CADM2: variants seen among roughly 807,000 people sequenced by gnomAD.
CADM2 encodes cell adhesion molecule 2, also known as immunoglobulin superfamily member 4D.
In CADM2, 12 loss-of-function variants were observed where a neutral mutation model predicts 49.8. That is an observed-to-expected ratio of 0.24 (90% CI 0.15 to 0.39). The LOEUF (loss-of-function observed/expected upper bound fraction) is 0.39, where lower values mean the gene tolerates loss of function less well. Among genes scored for constraint, CADM2 ranks in the 10% least tolerant of loss-of-function variants. CADM2 has a pLI of 1.00. For synonymous variants in CADM2, 214 were observed against 175.4 expected (o/e 1.22, Z -1.74); for missense variants, 378 against 492.3 (o/e 0.77, Z 2.20).
chr3:84,996,414 A>C (rs2033180423), intron 1 of CADM2, among the ~76,000 whole-genome samples: 1 of 152,096 alleles, frequency 6.6e-6, no homozygotes, highest in Admixed American at 6.5e-5. Context: ...AAGGAATTTT[A>C]TTATGGTGTA....
intron 1 of CADM2, among the ~76,000 whole-genome samples, chr3:85,356,483 G>C (rs1355146288): frequency 1.3e-5 from 2 of 152,002 alleles, no homozygotes; most frequent in Non-Finnish European, 2.9e-5. Flanking sequence ...GCCTGTGAAG[G>C]ACTCTGGTAT....
intron 1 of CADM2, among the ~76,000 whole-genome samples, chr3:85,099,320 T>A (rs189426165): frequency 1.3e-5 from 2 of 152,270 alleles, no homozygotes; most frequent in Admixed American, 6.5e-5. Context: ...TGGCATAAGA[T>A]TGAAAACTCC....
At chr3:85,937,522 G>A (rs944995707) in intron 7 of CADM2, among the ~76,000 whole-genome samples, 1 of 151,894 alleles carries the variant, frequency 6.6e-6, no homozygotes, top group African/African-American at 2.4e-5. Flanking sequence ...GTTCAGTCTT[G>A]CCCAAAGCCT....
At chr3:85,817,484 A>G (rs2073282838) in intron 3 of CADM2, among the ~76,000 whole-genome samples, 1 of 141,984 alleles carries the variant, frequency 7.0e-6, no homozygotes, top group African/African-American at 2.6e-5. Flanking sequence ...TTTGATAAAA[A>G]TATTGTCTGG....
intron 1 of CADM2, among the ~76,000 whole-genome samples, chr3:85,315,954 A>G (rs1384286719): frequency 6.6e-6 from 1 of 152,156 alleles, no homozygotes; most frequent in Non-Finnish European, 1.5e-5. Context: ...AAGAAGGAAG[A>G]CATTTAAAAG....
At chr3:85,329,200 A>G (rs893852328) in intron 1 of CADM2, among the ~76,000 whole-genome samples, 7 of 152,150 alleles carry the variant, frequency 4.6e-5, no homozygotes, top group Admixed American at 3.3e-4. Flanking sequence ...TCTGTTCTTT[A>G]AGCCACTCAG....
chr3:85,095,014 C>A (rs2037740622), intron 1 of CADM2, among the ~76,000 whole-genome samples: 1 of 152,140 alleles, frequency 6.6e-6, no homozygotes, highest in Non-Finnish European at 1.5e-5. Flanking sequence ...TTTGATAGTA[C>A]TTTCTTTGAA....
At chr3:85,242,466 A>C (rs1246280958) in intron 1 of CADM2, among the ~76,000 whole-genome samples, 1 of 151,692 alleles carries the variant, frequency 6.6e-6, no homozygotes, top group African/African-American at 2.4e-5. Flanking sequence ...TTACTGCTTC[A>C]AGTCTACTGA....
chr3:85,812,414 C>T (rs141768135), intron 3 of CADM2, among the ~76,000 whole-genome samples: 89 of 151,800 alleles, frequency 5.9e-4, no homozygotes, highest in African/African-American at 2.0e-3. Context: ...TGTACTGCAC[C>T]GGGGCCTAAT....
intron 1 of CADM2, among the ~76,000 whole-genome samples, chr3:85,592,464 A>G (rs1210094491): frequency 6.6e-6 from 1 of 151,948 alleles, no homozygotes; most frequent in Non-Finnish European, 1.5e-5. Flanking sequence ...AGAAGGAAAA[A>G]AATTACTGTA....
intron 2 of CADM2, among the ~76,000 whole-genome samples, chr3:85,782,415 G>T (rs1266503146): frequency 6.6e-6 from 1 of 152,020 alleles, no homozygotes; most frequent in African/African-American, 2.4e-5. Flanking sequence ...GATGGCTCAT[G>T]CCTATAATCT....
At chr3:85,240,759 T>C (rs1010138500) in intron 1 of CADM2, among the ~76,000 whole-genome samples, 1 of 151,620 alleles carries the variant, frequency 6.6e-6, no homozygotes, top group African/African-American at 2.4e-5. Context: ...CACCTAAAGA[T>C]GAGCAAGGAT....
At chr3:86,025,881 G>T (rs151266009) in intron 8 of CADM2, among the ~76,000 whole-genome samples, 2 of 152,202 alleles carry the variant, frequency 1.3e-5, no homozygotes, top group East Asian at 3.9e-4. Context: ...ATAATAGAAG[G>T]AAGAGTCAAT....
intron 2 of CADM2, among the ~76,000 whole-genome samples, chr3:85,791,838 C>T (rs756757375): frequency 1.3e-5 from 2 of 152,114 alleles, no homozygotes; most frequent in Non-Finnish European, 2.9e-5. Context: ...ATTCTCCTGC[C>T]TCAGCCTCCC....
intron 1 of CADM2, among the ~76,000 whole-genome samples, chr3:85,094,825 A>C (rs139903372): frequency 6.6e-6 from 1 of 152,172 alleles, no homozygotes; most frequent in African/African-American, 2.4e-5. Context: ...TAACTAATTT[A>C]TCAAATGCAC....
chr3:85,928,051 G>T (rs1043847498), intron 6 of CADM2, among the ~76,000 whole-genome samples: 2 of 151,922 alleles, frequency 1.3e-5, no homozygotes, highest in African/African-American at 4.8e-5. Flanking sequence ...CCATTCTGCT[G>T]GATCAATATC....
intron 1 of CADM2, among the ~76,000 whole-genome samples, chr3:85,122,513 A>G (rs931306506): frequency 6.6e-6 from 1 of 151,802 alleles, no homozygotes; most frequent in Admixed American, 6.6e-5. Flanking sequence ...TCTCAAATCC[A>G]TTACTCTTTA....
intron 1 of CADM2, among the ~76,000 whole-genome samples, chr3:85,135,565 A>G (rs900055940): frequency 2.0e-5 from 3 of 152,126 alleles, no homozygotes; most frequent in East Asian, 1.9e-4. Context: ...AGAAATCAGA[A>G]TACCATCACT....
intron 1 of CADM2, among the ~76,000 whole-genome samples, chr3:85,342,166 GA>G: frequency 6.6e-6 from 1 of 151,878 alleles, no homozygotes; most frequent in East Asian, 1.9e-4. Flanking sequence ...AAATTTACTA[GA>G]AAAAAACAAA....
Sources: allele counts gnomAD v4.1 joint callset (sites outside exome capture counted in the v4.1 genomes callset), GRCh38; gene constraint gnomAD v4.1.1; transcripts MANE v1.5; gene names NCBI Gene and HGNC (gene_info 2026-07-23, HGNC 2026-07-21).